The following ZCCHC14 variants were observed in gnomAD, a reference collection of about 807,000 sequenced individuals.
ZCCHC14 encodes the protein zinc finger CCHC-type containing 14.
ZCCHC14 carries 16 observed loss-of-function variants against 85.0 expected under a neutral mutation model. The ratio of observed to expected loss-of-function variants is 0.19; its 90% CI spans 0.13 to 0.29. The LOEUF is 0.29. Among genes scored for constraint, ZCCHC14 ranks in the 10% least tolerant of loss-of-function variants. The pLI, the probability that ZCCHC14 is intolerant of heterozygous loss-of-function variation, is 1.00. For synonymous variants in ZCCHC14, 775 were observed against 630.7 expected (o/e 1.23, Z -3.43); for missense variants, 1,303 against 1,443.5 (o/e 0.90, Z 1.58).
At chr16:87,470,112 C>T (rs563988251) in intron 1 of ZCCHC14, among the ~76,000 whole-genome samples, 2 of 152,158 alleles carry the variant, frequency 1.3e-5, no homozygotes, top group Admixed American at 1.3e-4. Context: ...ACAGGTGGAA[C>T]TCCTGAGGTC....
At chr16:87,478,938 G>A (rs1179688613) in intron 1 of ZCCHC14, among the ~76,000 whole-genome samples, 1 of 152,118 alleles carries the variant, frequency 6.6e-6, no homozygotes. Context: ...TAGGTTGTTA[G>A]CATTATGCTC....
Position 87,492,116 on chromosome 16 carries a change from A to C in ZCCHC14, c.123T>G (p.Leu41=). Residue 41 remains leucine, a synonymous_variant, in exon 1 of 13, where the codon CTT becomes CTG. Transcript: ENST00000671377. This position sits in a 1 kb window ranked among gnomAD's most constrained non-coding sequence, Gnocchi z 6.7. ...CCTCCAGGCACGAGCCGAGGAAGCGAAGCTCGAGCGGGATGCACAGGTCCA... is the reference window on the plus strand; with the variant it reads ...CCTCCAGGCACGAGCCGAGGAAGCGCAGCTCGAGCGGGATGCACAGGTCCA... The part of the protein sequence containing the change: ...GLLDLCIPLE[L]RFLGSCLEDL... The C allele has an allele frequency of 7.3e-7, 1 of 1,361,436 alleles. No homozygotes were observed. The highest frequency in any genetic ancestry group is 9.4e-7 in the Non-Finnish European group (1 of 1,062,094). 84.3% of individuals were successfully genotyped at this position (1,361,436 alleles called of 1,614,324 possible).
At chr16:87,453,544 C>G (rs1006181066) in intron 2 of ZCCHC14, among the ~76,000 whole-genome samples, 1 of 152,210 alleles carries the variant, frequency 6.6e-6, no homozygotes, top group East Asian at 1.9e-4. Context: ...AGGCTCTGCA[C>G]GTGCCCGCCA....
chr16:87,431,879 G>T (rs1597413589), intron 3 of ZCCHC14, among the ~76,000 whole-genome samples: 1 of 152,178 alleles, frequency 6.6e-6, no homozygotes, highest in Non-Finnish European at 1.5e-5. Context: ...CACGACATGA[G>T]ACCCAGAAAC....
At chr16:87,411,410 A>AG in intron 12 of ZCCHC14, 106 bp downstream of exon 12, 1 of 1,532,412 alleles carries the variant, frequency 6.5e-7, no homozygotes, top group Non-Finnish European at 8.7e-7. Context: ...GCATTCGAAA[A>AG]ATTATTTGCT....
intron 1 of ZCCHC14, among the ~76,000 whole-genome samples, chr16:87,481,637 CCGGGGCTGTAACGGTGTCA>C (rs1429501390): frequency 6.8e-6 from 1 of 147,570 alleles, no homozygotes. Flanking sequence ...GAACACTGAA[CCGGGGCTGTAACGGTGTCA>C]CTGGAGACAA....
At chr16:87,452,852 A>G (rs1246973594) in intron 2 of ZCCHC14, among the ~76,000 whole-genome samples, 1 of 152,214 alleles carries the variant, frequency 6.6e-6, no homozygotes, top group Non-Finnish European at 1.5e-5. Flanking sequence ...CAGCTGAAAG[A>G]AACAGCGAAG....
intron 1 of ZCCHC14, among the ~76,000 whole-genome samples, chr16:87,480,927 A>C (rs1352079196): frequency 6.6e-6 from 1 of 152,214 alleles, no homozygotes. Context: ...AACTGCGCCT[A>C]CAGAGAGAGG....
intron 3 of ZCCHC14, among the ~76,000 whole-genome samples, chr16:87,432,401 G>C (rs931027595): frequency 6.6e-6 from 1 of 152,208 alleles, no homozygotes; most frequent in African/African-American, 2.4e-5. Flanking sequence ...TTAAGAGAAA[G>C]ATTTCAAGCC....
chr16:87,461,443 G>C (rs950082378), intron 1 of ZCCHC14, among the ~76,000 whole-genome samples: 1 of 152,224 alleles, frequency 6.6e-6, no homozygotes, highest in African/African-American at 2.4e-5. Flanking sequence ...AGAGGCGTAA[G>C]ATTTTAAAGT....
intron 1 of ZCCHC14, chr16:87,470,362 C>G (rs1911722971): frequency 6.6e-6 from 1 of 151,482 alleles, no homozygotes; most frequent in South Asian, 2.1e-4. Flanking sequence ...ATAATGAAAA[C>G]AAGCACATGA....
At chr16:87,462,800 T>G (rs1911335132) in intron 1 of ZCCHC14, among the ~76,000 whole-genome samples, 1 of 151,044 alleles carries the variant, frequency 6.6e-6, no homozygotes, top group South Asian at 2.1e-4. Context: ...CCAGGCTTAG[T>G]GGCTCACGCC....
chr16:87,439,977 GTTTA>G (rs957110706), intron 2 of ZCCHC14, among the ~76,000 whole-genome samples: 4 of 152,094 alleles, frequency 2.6e-5, no homozygotes, highest in Non-Finnish European at 5.9e-5. Context: ...ATTTTTAAAA[GTTTA>G]TTTATTTTAG....
At chr16:87,462,094 T>C (rs1170275108) in intron 1 of ZCCHC14, among the ~76,000 whole-genome samples, 1 of 145,510 alleles carries the variant, frequency 6.9e-6, no homozygotes, top group African/African-American at 2.6e-5. Flanking sequence ...AGCGAGACCC[T>C]GTCTCTATTT....
At chr16:87,419,738 T>TC in intron 6 of ZCCHC14, 45 bp downstream of exon 6, 1 of 1,350,670 alleles carries the variant, frequency 7.4e-7, no homozygotes, top group Non-Finnish European at 9.9e-7. Context: ...GCCCAGCTGT[T>TC]TTTTTTTTTT....
Position 87,417,632 on chromosome 16 carries a change from C to A in ZCCHC14, c.1211G>T (p.Ser404Ile), listed in dbSNP as rs1316933127. Residue 404 changes from serine (S) to isoleucine (I), a missense_variant, in exon 8 of 13, where the codon AGC (serine) becomes ATC (isoleucine). Physicochemically the swap from Ser to Ile is moderately radical, Grantham distance 142 (BLOSUM62 -2). Around this residue, in one of 7 missense-constraint regions of ZCCHC14, gnomAD observed 389 missense variants for 397.8 expected, o/e 0.98. Coordinates refer to ENST00000671377, the MANE Select transcript of ZCCHC14 (RefSeq NM_015144.3). ...CCGGTAGGCCAGGGCTGAGCCCGCG[C>A]TGCCCGCATGGGAGCAGTGAGGCAA... is the stretch of plus-strand genomic sequence containing the variant. ...APLPHCSHAG[S>I]AGSALAYRTQ... The A allele has an allele frequency of 3.1e-6, 5 of 1,613,978 alleles. No individual in the cohort carries two copies. The highest frequency in any genetic ancestry group is 3.3e-5 in the Admixed American group (2 of 60,012).
intron 1 of ZCCHC14, among the ~76,000 whole-genome samples, chr16:87,486,567 A>T (rs1157436568): frequency 1.3e-5 from 2 of 152,202 alleles, no homozygotes; most frequent in East Asian, 3.8e-4. Flanking sequence ...TGTGTCCTTA[A>T]GCAGCACATG....
intron 1 of ZCCHC14, among the ~76,000 whole-genome samples, chr16:87,469,172 C>T (rs541655105): frequency 4.6e-5 from 7 of 152,238 alleles, no homozygotes; most frequent in African/African-American, 1.2e-4. Flanking sequence ...CTCAGCCTCC[C>T]GAGTAGCTGG....
At position 87,409,119 on chromosome 16, in the gene ZCCHC14, A is replaced by G. The variant is rs1908325472; in HGVS notation, c.*1161T>C. The G allele has an allele frequency of 6.6e-6, 1 of 152,414 alleles. No individual in the cohort carries two copies. Among genetic ancestry groups the G allele is most frequent in the Non-Finnish European group, 1.5e-5 (1 of 68,048 alleles). 9.4% of individuals were successfully genotyped at this position (152,414 alleles called of 1,614,324 possible). A position where few individuals can be genotyped will look rare whatever the true frequency, so the allele number is the denominator to read the frequency against. ...CTCTCGGGTGTGTGGCCTCTTCCAG[A>G]GTCCTACCACTTCCCACTGTTTTCC... On this transcript the variant is annotated 3_prime_UTR_variant, in exon 13 of 13. Coordinates refer to ENST00000671377, the MANE Select transcript of ZCCHC14 (RefSeq NM_015144.3).
Sources: gnomAD v4.1 joint callset for allele counts (sites outside exome capture counted in the v4.1 genomes callset) on GRCh38, gnomAD v4.1.1 for gene constraint, gnomAD v4.1.1 regional missense constraint, Gnocchi (gnomAD v3.1) non-coding constraint, MANE v1.5 for transcripts, NCBI Gene and HGNC (gene_info 2026-07-23, HGNC 2026-07-21) for gene names.